PARD3B: variants seen among roughly 807,000 people sequenced by gnomAD.
PARD3B encodes par-3 family cell polarity regulator beta, also known as partitioning defective 3 homolog B.
In PARD3B, 103 loss-of-function variants were observed where a neutral mutation model predicts 130.2. The observed-to-expected ratio is 0.79, with a 90% CI of 0.67 to 0.93. PARD3B has a LOEUF of 0.93. Among genes scored for constraint, PARD3B ranks in the 40% least tolerant of loss-of-function variants. The pLI, the probability that PARD3B is intolerant of heterozygous loss-of-function variation, is 0.00. For missense variants in PARD3B, 1,609 were observed against 1,499.2 expected (o/e 1.07, Z -1.21); for synonymous variants, 583 against 553.2 (o/e 1.05, Z -0.76).
At position 204,602,106 on chromosome 2, in the gene PARD3B, C is replaced by T. The variant is rs964142562; in HGVS notation, c.120+55987C>T. Among the ~76,000 whole-genome samples, 4 of 151,978 alleles carry T rather than the reference C, an allele frequency of 2.6e-5. No individual in the cohort carries two copies. The South Asian group carries it at 6.2e-4, about 24-fold the overall frequency. On this transcript the variant is annotated intron_variant, in intron 1 of 22. Transcript: ENST00000406610. ...GAATGAGACAAAATACAAATTTGGA[C>T]CTCAGCTCTGTCACTTGCCATTTAC...
intron 14 of PARD3B, among the ~76,000 whole-genome samples, chr2:205,191,673 T>C (rs1478262898): frequency 6.6e-6 from 1 of 152,198 alleles, no homozygotes; most frequent in East Asian, 1.9e-4. Context: ...CTTCACTCAT[T>C]CTATTCTCTC....
At chr2:205,449,873 C>T (rs2048038734) in intron 20 of PARD3B, among the ~76,000 whole-genome samples, 2 of 152,176 alleles carry the variant, frequency 1.3e-5, no homozygotes, top group South Asian at 4.1e-4. Flanking sequence ...ATAGCCAAAA[C>T]TATCTCATAA....
intron 10 of PARD3B, among the ~76,000 whole-genome samples, chr2:205,127,361 A>G (rs2031560254): frequency 6.6e-6 from 1 of 152,246 alleles, no homozygotes; most frequent in East Asian, 1.9e-4. Context: ...CTAATAACAA[A>G]TAGAAACAAA....
At chr2:204,915,145 C>G (rs1228461440) in intron 2 of PARD3B, among the ~76,000 whole-genome samples, 2 of 152,098 alleles carry the variant, frequency 1.3e-5, no homozygotes, top group East Asian at 3.9e-4. Context: ...GAAAACATTT[C>G]CTTAATGGAA....
intron 21 of PARD3B, among the ~76,000 whole-genome samples, chr2:205,518,614 C>CTGTCATCATGTTTT (rs2050894499): frequency 6.6e-6 from 1 of 152,054 alleles, no homozygotes; most frequent in Non-Finnish European, 1.5e-5. Flanking sequence ...GGATTTGATC[C>CTGTCATCATGTTTT]TGTCATCATG....
At chr2:204,877,626 T>C (rs2045894462) in intron 2 of PARD3B, among the ~76,000 whole-genome samples, 1 of 152,132 alleles carries the variant, frequency 6.6e-6, no homozygotes, top group East Asian at 1.9e-4. Context: ...CCAAAGAATT[T>C]CACCAAAGAT....
At chr2:205,240,646 C>T (rs2039311407) in intron 15 of PARD3B, among the ~76,000 whole-genome samples, 1 of 152,132 alleles carries the variant, frequency 6.6e-6, no homozygotes, top group African/African-American at 2.4e-5. Flanking sequence ...TGCATGATAG[C>T]AATATACAAT....
intron 2 of PARD3B, among the ~76,000 whole-genome samples, chr2:204,948,607 A>C (rs1689523403): frequency 6.6e-6 from 1 of 152,054 alleles, no homozygotes; most frequent in African/African-American, 2.4e-5. Context: ...AAAAAAAGGA[A>C]CCTATTGTTC....
At chr2:205,524,638 G>A (rs774177022) in intron 21 of PARD3B, among the ~76,000 whole-genome samples, 5 of 151,956 alleles carry the variant, frequency 3.3e-5, no homozygotes, top group African/African-American at 7.3e-5. Context: ...GATTTTTTCC[G>A]CTGTTACAGC....
intron 18 of PARD3B, among the ~76,000 whole-genome samples, chr2:205,356,096 A>G (rs1383063273): frequency 6.6e-6 from 1 of 152,216 alleles, no homozygotes; most frequent in East Asian, 1.9e-4. Context: ...TTGGTAAGTC[A>G]GTGTGACACT....
At chr2:205,259,203 T>A (rs545780859) in intron 16 of PARD3B, among the ~76,000 whole-genome samples, 123 of 152,324 alleles carry the variant, frequency 8.1e-4, no homozygotes, top group African/African-American at 2.9e-3. Context: ...ATTTCTTAAC[T>A]CACCATTTTT....
Position 204,624,430 on chromosome 2 carries a change from A to C in PARD3B, c.121-61751A>C, listed in dbSNP as rs140880321. The stretch of plus-strand genomic sequence containing the variant: ...TGAAAACTACTCAAAAAATGAAAAA[A>C]TAGAAATATGTAATGCAGCAAATCA... On this transcript the variant is annotated intron_variant, in intron 1 of 22. Coordinates refer to ENST00000406610, the MANE Select transcript of PARD3B (RefSeq NM_001302769.2). Among the ~76,000 whole-genome samples the C allele has an allele frequency of 2.6e-5, 4 of 152,354 alleles. No homozygotes were observed. In the East Asian group the frequency reaches 7.7e-4, roughly 29 times the overall value.
intron 2 of PARD3B, among the ~76,000 whole-genome samples, chr2:204,964,168 C>A (rs956803724): frequency 2.6e-5 from 4 of 152,178 alleles, no homozygotes; most frequent in Non-Finnish European, 5.9e-5. Context: ...CACATTTACA[C>A]ACATTGCACT....
intron 2 of PARD3B, among the ~76,000 whole-genome samples, chr2:204,797,559 AC>A (rs1338582382): frequency 6.6e-6 from 1 of 152,224 alleles, no homozygotes; most frequent in African/African-American, 2.4e-5. Flanking sequence ...CCTGTACATA[AC>A]ACTGACTTAC....
chr2:204,682,081 A>G (rs527636254), intron 1 of PARD3B, among the ~76,000 whole-genome samples: 65 of 152,046 alleles, frequency 4.3e-4, no homozygotes, highest in African/African-American at 1.5e-3. Context: ...CTGCATTTTG[A>G]CCTCTATGAG....
chr2:205,379,463 A>C (rs2045221701), intron 18 of PARD3B, among the ~76,000 whole-genome samples: 2 of 151,888 alleles, frequency 1.3e-5, no homozygotes, highest in African/African-American at 4.9e-5. Context: ...GTCTAATATT[A>C]TTATATTTGG....
chr2:204,643,174 C>A (rs1220184162), intron 1 of PARD3B, among the ~76,000 whole-genome samples: 1 of 142,686 alleles, frequency 7.0e-6, no homozygotes, highest in African/African-American at 2.5e-5. Flanking sequence ...CTCTCCTGCT[C>A]CACCATGTAA....
chr2:204,865,285 A>G (rs2045363747), intron 2 of PARD3B, among the ~76,000 whole-genome samples: 1 of 152,234 alleles, frequency 6.6e-6, no homozygotes, highest in Non-Finnish European at 1.5e-5. Context: ...ACCCAGAGGA[A>G]AAGAAGTCAT....
At chr2:205,254,981 A>T (rs895818560) in intron 16 of PARD3B, among the ~76,000 whole-genome samples, 76 of 151,818 alleles carry the variant, frequency 5.0e-4, no homozygotes, top group African/African-American at 1.7e-3. Context: ...AGTATTATTA[A>T]CCAGTTATAC....
Sources: allele counts gnomAD v4.1 joint callset (sites outside exome capture counted in the v4.1 genomes callset), GRCh38; gene constraint gnomAD v4.1.1; transcripts MANE v1.5; gene names NCBI Gene and HGNC (gene_info 2026-07-23, HGNC 2026-07-21).